The following KCNQ5 variants were observed in gnomAD, a reference collection of about 807,000 sequenced individuals.
The protein encoded by KCNQ5 is potassium voltage-gated channel subfamily Q member 5.
A neutral mutation model predicts 98.2 loss-of-function variants in KCNQ5; 30 were observed. The ratio of observed to expected loss-of-function variants is 0.31; its 90% CI spans 0.23 to 0.41. The LOEUF (loss-of-function observed/expected upper bound fraction) is 0.41. KCNQ5 is among the 10% of genes least tolerant of loss of function. KCNQ5 has a pLI of 1.00. For missense variants in KCNQ5, 835 were observed against 1,182.5 expected (o/e 0.71, Z 4.31); for synonymous variants, 458 against 449.4 (o/e 1.02, Z -0.24).
At chr6:72,997,813 T>C (rs1363091239) in intron 1 of KCNQ5, among the ~76,000 whole-genome samples, 1 of 138,670 alleles carries the variant, frequency 7.2e-6, no homozygotes, top group Non-Finnish European at 1.5e-5. Flanking sequence ...AAAAAAAAAT[T>C]CACAGAGATT....
rs539883806 is a variant in KCNQ5, at chr6:72,736,312, CAAT to C, written c.398+113726_398+113728del. Among the ~76,000 whole-genome samples, 467 of 152,066 alleles carry C rather than the reference CAAT, an allele frequency of 3.1e-3. 3 individuals are homozygous for C. Among genetic ancestry groups the C allele is most frequent in the African/African-American group, 0.011 (437 of 41,460 alleles). On this transcript the variant is annotated intron_variant, in intron 1 of 13. Coordinates refer to ENST00000370398, the MANE Select transcript of KCNQ5 (RefSeq NM_019842.4). ...TGATATTAAAAAGTGGCAGCAATCTCAATGTCCGATAATAAGGGGCATAATTGA... is the reference window on the plus strand; with the variant it reads ...TGATATTAAAAAGTGGCAGCAATCTCGTCCGATAATAAGGGGCATAATTGA...
intron 1 of KCNQ5, among the ~76,000 whole-genome samples, chr6:72,652,070 C>T (rs1291902752): frequency 6.6e-6 from 1 of 151,920 alleles, no homozygotes; most frequent in African/African-American, 2.4e-5. Flanking sequence ...TCAATGCTCA[C>T]ACTTACACTC....
chr6:72,914,182 C>A (rs1046711039), intron 1 of KCNQ5, among the ~76,000 whole-genome samples: 3 of 152,054 alleles, frequency 2.0e-5, no homozygotes, highest in Non-Finnish European at 2.9e-5. Flanking sequence ...ATTTGAAGGT[C>A]AGAGGCTTGG....
chr6:72,956,750 A>AAACTAT (rs1384424975), intron 1 of KCNQ5, among the ~76,000 whole-genome samples: 1 of 151,772 alleles, frequency 6.6e-6, no homozygotes, highest in Non-Finnish European at 1.5e-5. Context: ...AAACCTATGT[A>AAACTAT]TTCAACAGAT....
At chr6:72,760,447 CGT>C (rs10607088) in intron 1 of KCNQ5, among the ~76,000 whole-genome samples, 60,800 of 147,760 alleles carry the variant, frequency 0.41, 12,415 homozygotes, top group African/African-American at 0.47. Context: ...TTCAGGAGTA[CGT>C]GTGTGTGTGT....
At chr6:72,806,575 T>TAA (rs1406401653) in intron 1 of KCNQ5, among the ~76,000 whole-genome samples, 1 of 152,136 alleles carries the variant, frequency 6.6e-6, no homozygotes, top group African/African-American at 2.4e-5. Flanking sequence ...AAGCAGAGAA[T>TAA]CATAATACTT....
chr6:72,934,135 C>T (rs549100934), intron 1 of KCNQ5, among the ~76,000 whole-genome samples: 1 of 152,268 alleles, frequency 6.6e-6, no homozygotes, highest in South Asian at 2.1e-4. Flanking sequence ...GAAGATCCTA[C>T]TTTAGCTTGA....
chr6:72,743,785 T>C (rs1771243912), intron 1 of KCNQ5, among the ~76,000 whole-genome samples: 1 of 152,220 alleles, frequency 6.6e-6, no homozygotes, highest in Non-Finnish European at 1.5e-5. Flanking sequence ...TGCCTGTTTT[T>C]TGGAGTAGTA....
chr6:72,909,219 G>T (rs1249314446), intron 1 of KCNQ5, among the ~76,000 whole-genome samples: 2 of 152,148 alleles, frequency 1.3e-5, no homozygotes, highest in Non-Finnish European at 2.9e-5. Flanking sequence ...TAATGGCTGT[G>T]AGAAATAGAC....
At chr6:72,995,994 G>A (rs1769281497) in intron 1 of KCNQ5, among the ~76,000 whole-genome samples, 1 of 152,116 alleles carries the variant, frequency 6.6e-6, no homozygotes, top group Non-Finnish European at 1.5e-5. Context: ...AAACATCTGT[G>A]GCTGCTTACA....
chr6:73,051,630 C>A (rs1334983343), intron 3 of KCNQ5, among the ~76,000 whole-genome samples: 2 of 149,812 alleles, frequency 1.3e-5, no homozygotes, highest in Admixed American at 6.7e-5. Flanking sequence ...CTAAATTCTT[C>A]CAGAAATGAA....
chr6:72,802,314 C>T (rs1774703022), intron 1 of KCNQ5, among the ~76,000 whole-genome samples: 1 of 152,098 alleles, frequency 6.6e-6, no homozygotes, highest in African/African-American at 2.4e-5. Flanking sequence ...TTCTTGGAGG[C>T]TTTGTTCGTT....
chr6:72,751,416 T>G (rs969997927), intron 1 of KCNQ5, among the ~76,000 whole-genome samples: 2 of 151,956 alleles, frequency 1.3e-5, no homozygotes, highest in Non-Finnish European at 2.9e-5. Flanking sequence ...AGTCTTTAGA[T>G]CACGAGGGAC....
intron 5 of KCNQ5, among the ~76,000 whole-genome samples, chr6:73,101,427 A>C (rs1318544297): frequency 6.6e-6 from 1 of 152,208 alleles, no homozygotes; most frequent in African/African-American, 2.4e-5. Flanking sequence ...GAAGAGAGAA[A>C]TAAAGAGCAT....
chr6:72,745,861 C>T (rs561761726), intron 1 of KCNQ5, among the ~76,000 whole-genome samples: 1 of 152,186 alleles, frequency 6.6e-6, no homozygotes, highest in South Asian at 2.1e-4. Flanking sequence ...CTAGTGGTTC[C>T]TAGCAATCCT....
rs541091036 is a variant in KCNQ5, at chr6:72,996,350, G to T, written c.399-7558G>T. On this transcript the variant is annotated intron_variant, in intron 1 of 13. Coordinates refer to ENST00000370398, the MANE Select transcript of KCNQ5 (RefSeq NM_019842.4). Reference sequence around the variant, plus strand: ...CGAAACCTAAAACTTCATCCCTTTTGCCAGAAGCAACGTGTTAATAGATTT... The same window carrying T: ...CGAAACCTAAAACTTCATCCCTTTTTCCAGAAGCAACGTGTTAATAGATTT... Among the ~76,000 whole-genome samples, 5 of 152,304 alleles carry T rather than the reference G, an allele frequency of 3.3e-5. No homozygotes were observed. In the East Asian group the frequency reaches 9.6e-4, roughly 29 times the overall value.
chr6:72,622,274 G>T lies in KCNQ5; in HGVS notation c.85G>T (p.Gly29Trp), dbSNP rs952233278. Residue 29 changes from glycine (G) to tryptophan (W), a missense_variant, in exon 1 of 14, where the codon GGG becomes TGG. By Grantham distance (184) the Gly-to-Trp change is radical. Around this residue, in one of 10 missense-constraint regions of KCNQ5, gnomAD observed 80 missense variants for 72.3 expected, o/e 1.11. Coordinates refer to ENST00000370398, the MANE Select transcript of KCNQ5 (RefSeq NM_019842.4). The surrounding 1 kb of genome is among the most constrained non-coding windows in gnomAD (Gnocchi z 6.0). Reference protein sequence around the residue: ...KSGAAAAAAGGGRLGSGMKDV... With the variant: ...KSGAAAAAAGWGRLGSGMKDV... ...CGGCGCAGCGGCGGCGGCGGCGGGC[G>T]GGGGGCGCTTGGGCAGCGGCATGAA... 1 of 1,276,594 alleles carries T rather than the reference G, an allele frequency of 7.8e-7. No individual in the cohort carries two copies. Among genetic ancestry groups the T allele is most frequent in the Non-Finnish European group, 9.8e-7 (1 of 1,015,568 alleles). 79.1% of individuals were successfully genotyped at this position (1,276,594 alleles called of 1,614,324 possible). A position where few individuals can be genotyped will look rare whatever the true frequency, so the allele number is the denominator to read the frequency against.
chr6:73,093,414 C>T (rs1370644666), intron 5 of KCNQ5, among the ~76,000 whole-genome samples: 1 of 152,074 alleles, frequency 6.6e-6, no homozygotes, highest in Non-Finnish European at 1.5e-5. Context: ...TTTGGTTCTG[C>T]TCTGATCGTG....
At chr6:72,747,587 T>C (rs1486965325) in intron 1 of KCNQ5, among the ~76,000 whole-genome samples, 1 of 152,168 alleles carries the variant, frequency 6.6e-6, no homozygotes, top group East Asian at 1.9e-4. Context: ...TCATTAATCA[T>C]CTGATATTTT....
Sources: gnomAD v4.1 joint callset for allele counts (sites outside exome capture counted in the v4.1 genomes callset) on GRCh38, gnomAD v4.1.1 for gene constraint, gnomAD v4.1.1 regional missense constraint, Gnocchi (gnomAD v3.1) non-coding constraint, MANE v1.5 for transcripts, NCBI Gene and HGNC (gene_info 2026-07-23, HGNC 2026-07-21) for gene names.